The following ADAM23 variants were observed in gnomAD, a reference collection of about 807,000 sequenced individuals.
The protein encoded by ADAM23 is disintegrin and metalloproteinase domain-containing protein 23.
A neutral mutation model predicts 120.1 loss-of-function variants in ADAM23; 33 were observed. The observed-to-expected ratio is 0.27, with a 90% CI of 0.21 to 0.37. The LOEUF (loss-of-function observed/expected upper bound fraction) is 0.37. Ranked by LOEUF, ADAM23 falls within the 10% of genes least tolerant of loss-of-function variation. ADAM23 has a pLI of 1.00. For synonymous variants in ADAM23, 367 were observed against 375.2 expected, an observed-to-expected ratio of 0.98 and a Z score of 0.25; for missense variants, 862 against 1,058.2, an observed-to-expected ratio of 0.81 and a Z score of 2.57.
chr2:206,468,411 C>T (rs1695585339), intron 2 of ADAM23, among the ~76,000 whole-genome samples: 1 of 152,198 alleles, frequency 6.6e-6, no homozygotes, highest in Non-Finnish European at 1.5e-5. Flanking sequence ...TATCCTAAAT[C>T]ATCTCTCTCA....
At chr2:206,479,690 TTCTC>T (rs1186522942) in intron 2 of ADAM23, among the ~76,000 whole-genome samples, 1 of 151,158 alleles carries the variant, frequency 6.6e-6, no homozygotes, top group Non-Finnish European at 1.5e-5. Flanking sequence ...CTCTCTCTCT[TTCTC>T]TCTCTCTCTC....
intron 2 of ADAM23, among the ~76,000 whole-genome samples, chr2:206,471,834 A>C (rs1401844111): frequency 2.0e-5 from 3 of 152,156 alleles, no homozygotes; most frequent in Non-Finnish European, 4.4e-5. Flanking sequence ...GTTACCAAGA[A>C]GCTTCCATGG....
intron 24 of ADAM23, among the ~76,000 whole-genome samples, chr2:206,603,573 G>A (rs937841407): frequency 5.3e-5 from 8 of 152,272 alleles, no homozygotes; most frequent in Middle Eastern, 3.4e-3. Context: ...TTGCTTTAGC[G>A]TTAAGAGTAC....
chr2:206,572,739 T>C (rs1341821259), intron 17 of ADAM23, among the ~76,000 whole-genome samples: 2 of 152,034 alleles, frequency 1.3e-5, no homozygotes, highest in African/African-American at 2.4e-5. Flanking sequence ...TCAGTGAAGG[T>C]TGGGTATATA....
chr2:206,568,118 CTTTTG>C (rs1236196263), intron 15 of ADAM23, among the ~76,000 whole-genome samples: 1 of 151,966 alleles, frequency 6.6e-6, no homozygotes. Flanking sequence ...AATTTCTTGA[CTTTTG>C]TTTTTTTTTG....
intron 18 of ADAM23, among the ~76,000 whole-genome samples, chr2:206,586,576 G>A (rs1698326263): frequency 6.6e-6 from 1 of 152,128 alleles, no homozygotes; most frequent in African/African-American, 2.4e-5. Flanking sequence ...GCACACTGCT[G>A]TTTCTTATTT....
In ADAM23 at chr2:206,445,483, G is replaced by A. The variant is rs769762739; in HGVS notation, c.391G>A (p.Val131Ile). 1.2e-6 allele frequency: 2 copies of A among 1,614,028 alleles called. No individual in the cohort carries two copies. Among genetic ancestry groups the A allele is most frequent in the South Asian group, 1.1e-5 (1 of 91,056 alleles). The change falls in exon 2 of 26, where the codon GTT becomes ATT. Residue 131 changes from valine (V) to isoleucine (I), a missense_variant. By Grantham distance (29) the Val-to-Ile change is conservative. This residue lies in a region of ADAM23 where 225 missense variants were observed against 204.0 expected (regional missense o/e 1.10). Transcript: ENST00000264377. ...INQDSESPYH[V>I]LDTKARHQQK... is the part of the protein sequence containing the mutation. ...CCAAGACTCGGAAAGCCCTTATCAC[G>A]TTCTTGACACAAAGGCAAGACACCA...
intron 18 of ADAM23, among the ~76,000 whole-genome samples, chr2:206,574,948 G>A (rs905066833): frequency 3.5e-4 from 53 of 152,124 alleles, no homozygotes; most frequent in African/African-American, 1.3e-3. Context: ...TGTAAATGCT[G>A]GGACATGGCC....
intron 24 of ADAM23, chr2:206,606,685 C>T (rs1424942022): frequency 1.3e-5 from 2 of 152,222 alleles, no homozygotes; most frequent in African/African-American, 2.4e-5. Context: ...ACTTGATCCA[C>T]ATCCTCAGAA....
At chr2:206,490,984 A>C (rs892660358) in intron 3 of ADAM23, among the ~76,000 whole-genome samples, 3 of 152,212 alleles carry the variant, frequency 2.0e-5, no homozygotes, top group African/African-American at 7.2e-5. Context: ...TATGCAACCT[A>C]CTTTCAAAAT....
chr2:206,445,192 T>C, intron 1 of ADAM23, 115 bp from the exon 2 acceptor site: 5 of 741,918 alleles, frequency 6.7e-6, no homozygotes. Context: ...TAGAAAACTT[T>C]GTGTTTGAAA....
chr2:206,534,525 G>A (rs1219519542), intron 4 of ADAM23, among the ~76,000 whole-genome samples: 1 of 151,312 alleles, frequency 6.6e-6, no homozygotes, highest in Non-Finnish European at 1.5e-5. Flanking sequence ...CACCCTCTTA[G>A]CATGTTTCAA....
chr2:206,521,538 A>G (rs906804722), intron 3 of ADAM23, among the ~76,000 whole-genome samples: 12 of 152,268 alleles, frequency 7.9e-5, no homozygotes, highest in Admixed American at 5.9e-4. Context: ...AAGAAAGAAA[A>G]TAAAAACTCT....
At chr2:206,546,712 A>G (rs1472282642) in intron 6 of ADAM23, among the ~76,000 whole-genome samples, 3 of 152,296 alleles carry the variant, frequency 2.0e-5, no homozygotes, top group East Asian at 1.9e-4. Context: ...ACAATGATGT[A>G]TCTCCCTGAG....
intron 2 of ADAM23, among the ~76,000 whole-genome samples, chr2:206,461,558 G>C (rs949415433): frequency 6.6e-6 from 1 of 152,144 alleles, no homozygotes; most frequent in Admixed American, 6.6e-5. Context: ...TCAAACTTTA[G>C]TGTGAGTTGG....
chr2:206,465,731 C>T (rs1316573365), intron 2 of ADAM23, among the ~76,000 whole-genome samples: 1 of 152,084 alleles, frequency 6.6e-6, no homozygotes, highest in Non-Finnish European at 1.5e-5. Flanking sequence ...GGCACTATTA[C>T]AAAATTTTGA....
chr2:206,557,356 G>A (rs1421563026), intron 9 of ADAM23, 71 bp from the exon 10 acceptor site: 14 of 1,218,400 alleles, frequency 1.1e-5, no homozygotes, highest in Non-Finnish European at 1.6e-5. Flanking sequence ...AGATATTTCT[G>A]CTTTTACAGC....
intron 25 of ADAM23, among the ~76,000 whole-genome samples, chr2:206,614,770 T>G (rs1403523263): frequency 2.0e-5 from 3 of 152,244 alleles, no homozygotes; most frequent in Non-Finnish European, 4.4e-5. Flanking sequence ...CTTTTGATTT[T>G]TATTGAATTA....
At chr2:206,523,600 T>A (rs1696888234) in intron 3 of ADAM23, among the ~76,000 whole-genome samples, 2 of 152,180 alleles carry the variant, frequency 1.3e-5, no homozygotes, top group Non-Finnish European at 2.9e-5. Flanking sequence ...ACTTTTGGTA[T>A]GAAAACTATT....
Sources: allele counts gnomAD v4.1 joint callset (sites outside exome capture counted in the v4.1 genomes callset), GRCh38; gene constraint gnomAD v4.1.1; regional missense constraint gnomAD v4.1.1; transcripts MANE v1.5; gene names NCBI Gene and HGNC (gene_info 2026-07-23, HGNC 2026-07-21).